Variants in MFN1 observed in about 807,000 individuals in gnomAD.
MFN1 encodes mitofusin-1.
In MFN1, 65 loss-of-function variants were observed where a neutral mutation model predicts 92.4. The ratio of observed to expected loss-of-function variants is 0.70; its 90% confidence interval spans 0.58 to 0.86. MFN1 has a LOEUF of 0.86. Among genes scored for constraint, MFN1 ranks in the 40% least tolerant of loss-of-function variants. MFN1 has a pLI of 0.00. For synonymous variants in MFN1, 297 were observed against 300.9 expected (o/e 0.99, Z 0.13); for missense variants, 781 against 868.0 (o/e 0.90, Z 1.26).
intron 3 of MFN1, among the ~76,000 whole-genome samples, chr3:179,357,887 A>G (rs1712405120): frequency 6.6e-6 from 1 of 152,148 alleles, no homozygotes; most frequent in South Asian, 2.1e-4. Context: ...GGGTGGCTCA[A>G]CAACTGATGG....
intron 10 of MFN1, 116 bp from the exon 11 acceptor site, chr3:179,376,926 T>C: frequency 1.1e-6 from 1 of 942,020 alleles, no homozygotes; most frequent in Non-Finnish European, 1.5e-6. Context: ...TGTTACAAGT[T>C]TTTTTTTTCC....
At position 179,350,628 on chromosome 3, in the gene MFN1, TAAATC is replaced by T. The variant is rs908118357; in HGVS notation, c.113-1269_113-1265del. Among the ~76,000 whole-genome samples the T allele has an allele frequency of 7.9e-5, 12 of 152,158 alleles. No individual in the cohort carries two copies. In the East Asian group the frequency reaches 1.4e-3, roughly 17 times the overall value. ...TGTTGCAAAAAGGAGACAAAGCAAA[TAAATC>T]AAGAAAAACATACAAGAGCAAAAAT... is the stretch of plus-strand genomic sequence containing the variant. On this transcript the variant is annotated intron_variant, in intron 2 of 17. Transcript: ENST00000471841.
intron 14 of MFN1, among the ~76,000 whole-genome samples, chr3:179,381,837 A>G (rs1012650676): frequency 6.6e-6 from 1 of 152,240 alleles, no homozygotes; most frequent in Non-Finnish European, 1.5e-5. Flanking sequence ...ATAGCTCATT[A>G]TATCTATGAA....
At chr3:179,372,091 A>G (rs993658515) in intron 9 of MFN1, among the ~76,000 whole-genome samples, 3 of 147,328 alleles carry the variant, frequency 2.0e-5, no homozygotes, top group African/African-American at 7.4e-5. Context: ...ATATATAAAT[A>G]TTATATATAA....
At chr3:179,377,780 T>A (rs554514577) in intron 12 of MFN1, among the ~76,000 whole-genome samples, 1 of 151,790 alleles carries the variant, frequency 6.6e-6, no homozygotes, top group African/African-American at 2.4e-5. Flanking sequence ...CAAAAAACAG[T>A]TAGGCTGGTT....
chr3:179,350,110 C>T (rs1712084550), intron 2 of MFN1, among the ~76,000 whole-genome samples: 1 of 151,768 alleles, frequency 6.6e-6, no homozygotes, highest in Non-Finnish European at 1.5e-5. Context: ...CCGAAGTCGC[C>T]CACTGCACTC....
Position 179,377,337 on chromosome 3 carries a change from T to TTTTCAGG in MFN1, c.1225-1_1230dup. The TTTTCAGG allele has an allele frequency of 6.3e-7, 1 of 1,582,510 alleles. No individual in the cohort carries two copies. Among genetic ancestry groups the TTTTCAGG allele is most frequent in the Non-Finnish European group, 8.6e-7 (1 of 1,168,016 alleles). ...TTATTTTAACTCCAAAATTTTCATA[T>TTTTCAGG]TTTCAGGTTTCATGTGCAATGACAG... On this transcript the variant is annotated splice_region_variant and splice_polypyrimidine_tract_variant and intron_variant, in intron 11 of 17. Transcript: ENST00000471841.
At chr3:179,380,507 C>T (rs1713423559) in intron 14 of MFN1, among the ~76,000 whole-genome samples, 2 of 152,154 alleles carry the variant, frequency 1.3e-5, no homozygotes, top group African/African-American at 4.8e-5. Context: ...ATTGGTTTCA[C>T]AAACATTTTA....
intron 16 of MFN1, among the ~76,000 whole-genome samples, chr3:179,389,780 T>G (rs1713830919): frequency 6.6e-6 from 1 of 152,126 alleles, no homozygotes; most frequent in Non-Finnish European, 1.5e-5. Context: ...TTTATGTAGC[T>G]TATTCATGTT....
At chr3:179,362,796 C>T (rs976492060) in intron 5 of MFN1, among the ~76,000 whole-genome samples, 1 of 152,126 alleles carries the variant, frequency 6.6e-6, no homozygotes, top group Admixed American at 6.5e-5. Context: ...ACCTCAGTCT[C>T]CTGGGTAGCT....
intron 5 of MFN1, 103 bp from the exon 6 acceptor site, chr3:179,364,194 C>A (rs1712692677): frequency 3.0e-6 from 2 of 672,748 alleles, no homozygotes; most frequent in Non-Finnish European, 4.6e-6. Flanking sequence ...AGCTGGAAAT[C>A]CTGGTTTTTA....
intron 12 of MFN1, 151 bp from the exon 13 acceptor site, chr3:179,378,190 G>C (rs1309955367): frequency 1.6e-6 from 1 of 635,240 alleles, no homozygotes; most frequent in Admixed American, 2.8e-5. Context: ...AAGCACTCCA[G>C]CCTAGGCAAC....
In MFN1 at chr3:179,375,178, G is replaced by C. The variant is rs750993218; in HGVS notation, c.976-42G>C. ...GTGTTTAAATTCCTGAAAATGTTGCGATGGAATTACAGTAATGTGTTACGG... is the reference window on the plus strand; with the variant it reads ...GTGTTTAAATTCCTGAAAATGTTGCCATGGAATTACAGTAATGTGTTACGG... On this transcript the variant is annotated intron_variant, in intron 9 of 17. Transcript: ENST00000471841. 4 of 1,507,154 alleles carry C rather than the reference G, an allele frequency of 2.7e-6. No homozygotes were observed. The South Asian group carries it at 5.3e-5, about 20-fold the overall frequency. 93.4% of individuals were successfully genotyped at this position (1,507,154 alleles called of 1,614,324 possible). A position where few individuals can be genotyped will look rare whatever the true frequency, so the allele number is the denominator to read the frequency against.
chr3:179,375,776 G>T (rs1400158190), intron 10 of MFN1, among the ~76,000 whole-genome samples: 2 of 152,068 alleles, frequency 1.3e-5, no homozygotes, highest in African/African-American at 2.4e-5. Context: ...TTATTGCCTG[G>T]TGAACAAACA....
At chr3:179,371,056 A>C (rs556132889) in intron 9 of MFN1, among the ~76,000 whole-genome samples, 58 of 152,172 alleles carry the variant, frequency 3.8e-4, no homozygotes, top group Non-Finnish European at 7.8e-4. Context: ...TTTTTGTGAA[A>C]AGAAAAACTG....
In MFN1 at chr3:179,390,041, G is replaced by T. The variant is rs1403330350; in HGVS notation, c.2050G>T (p.Val684Phe). 1 of 1,604,818 alleles carries T rather than the reference G, an allele frequency of 6.2e-7. No individual in the cohort carries two copies. Among genetic ancestry groups the T allele is most frequent in the Non-Finnish European group, 8.5e-7 (1 of 1,177,516 alleles). The change falls in exon 17 of 18, where the codon GTT (valine) becomes TTT (phenylalanine). Residue 684 changes from valine (V) to phenylalanine (F), a missense_variant. Physicochemically the swap from Val to Phe is conservative, Grantham distance 50. Coordinates refer to ENST00000471841, the MANE Select transcript of MFN1 (RefSeq NM_033540.3). ...CACTTTTGCTCGCCTGTGCCAACAA[G>T]TTGATATTACTCAAAAACAGCTGGA... is the stretch of plus-strand genomic sequence containing the variant. ...ATTFARLCQQ[V>F]DITQKQLEEE...
intron 5 of MFN1, among the ~76,000 whole-genome samples, chr3:179,362,889 G>A (rs1712639550): frequency 6.6e-6 from 1 of 152,126 alleles, no homozygotes. Flanking sequence ...GGAAATGAGT[G>A]TTTCAAGTAA....
chr3:179,382,912 TG>T (rs1398912782), intron 14 of MFN1, among the ~76,000 whole-genome samples: 5 of 152,198 alleles, frequency 3.3e-5, no homozygotes, highest in African/African-American at 1.2e-4. Flanking sequence ...CACTTTTTGA[TG>T]GGGTTGTTTT....
chr3:179,361,673 A>G (rs1712587410), intron 4 of MFN1, among the ~76,000 whole-genome samples: 1 of 152,002 alleles, frequency 6.6e-6, no homozygotes, highest in Non-Finnish European at 1.5e-5. Flanking sequence ...AGTAGCTGAA[A>G]TTAGAGGCAC....
Sources: gnomAD v4.1 joint callset for allele counts (sites outside exome capture counted in the v4.1 genomes callset) on GRCh38, gnomAD v4.1.1 for gene constraint, MANE v1.5 for transcripts, NCBI Gene and HGNC (gene_info 2026-07-23, HGNC 2026-07-21) for gene names.